The following ITGA5 variants were observed in gnomAD, a reference collection of about 807,000 sequenced individuals.
ITGA5 encodes the protein integrin subunit alpha 5, also known as integrin alpha-5.
ITGA5 carries 55 observed loss-of-function variants against 146.3 expected under a neutral mutation model. The observed-to-expected ratio is 0.38, with a 90% confidence interval of 0.30 to 0.47. The LOEUF (loss-of-function observed/expected upper bound fraction) is 0.47, where lower values mean the gene tolerates loss of function less well. ITGA5 is among the 20% of genes least tolerant of loss of function. The probability of loss-of-function intolerance (pLI) is 0.99; values close to 1 mark genes in which losing one functional copy is unlikely to be tolerated. For missense variants in ITGA5, 1,131 were observed against 1,329.0 expected, an observed-to-expected ratio of 0.85 and a Z score of 2.32; for synonymous variants, 500 against 531.8, an observed-to-expected ratio of 0.94 and a Z score of 0.82.
In ITGA5 at chr12:54,402,513, GA is replaced by G. The variant is rs201307290; in HGVS notation, c.1983-184del. 6.0e-3 allele frequency among the ~76,000 whole-genome samples: 908 copies of G among 152,134 alleles called. 12 individuals carry two copies. The highest frequency in any genetic ancestry group is 0.021 in the African/African-American group (873 of 41,464). ...AGTTCAAGACAAGCCTGGCCAAGAT[GA>G]TGAAACCCTGTCTCTACTAAAAATA... On this transcript the variant is annotated intron_variant, in intron 19 of 29. Transcript: ENST00000293379.
chr12:54,404,583 C>T, intron 13 of ITGA5, 108 bp from the exon 14 acceptor site: 11 of 1,492,006 alleles, frequency 7.4e-6, no homozygotes, highest in African/African-American at 1.4e-5. Flanking sequence ...GAGAAGACAG[C>T]GCCCTCTGTT....
Position 54,409,649 on chromosome 12 carries a change from T to G in ITGA5, c.350-52A>C. The G allele has an allele frequency of 2.8e-5, 36 of 1,268,430 alleles. No homozygotes were observed. The highest frequency in any genetic ancestry group is 3.5e-5 in the Non-Finnish European group (31 of 888,468). 78.6% of individuals were successfully genotyped at this position (1,268,430 alleles called of 1,614,324 possible). A position where few individuals can be genotyped will look rare whatever the true frequency, so the allele number is the denominator to read the frequency against. ...TACTGAGCCATGGACATTTGAGCTC[T>G]AGGGCAGCCCCTACCCTCAGCCTGG... is the stretch of plus-strand genomic sequence containing the variant. On this transcript the variant is annotated intron_variant, in intron 2 of 29. Transcript: ENST00000293379. This position sits in a 1 kb window ranked among gnomAD's most constrained non-coding sequence, Gnocchi z 4.7.
At chr12:54,398,832 T>A in intron 27 of ITGA5, 134 bp from the exon 28 acceptor site, 9 of 383,022 alleles carry the variant, frequency 2.3e-5, no homozygotes, top group East Asian at 1.2e-4. Flanking sequence ...TCTCTCTCTC[T>A]CTCTTTTTTT....
intron 9 of ITGA5, chr12:54,406,263 C>T (rs1179169537): frequency 1.2e-5 from 5 of 414,022 alleles, no homozygotes; most frequent in Non-Finnish European, 2.2e-5. Context: ...TAAAGTCATG[C>T]TTGGTGAGTA....
chr12:54,404,559 A>G, intron 13 of ITGA5, 84 bp from the exon 14 acceptor site: 2 of 1,544,182 alleles, frequency 1.3e-6, no homozygotes, highest in Non-Finnish European at 9.0e-7. Flanking sequence ...TTCAACGCTC[A>G]GGGAGGTTGA....
In ITGA5 at chr12:54,419,085, C is replaced by T. The variant is rs769149506; in HGVS notation, c.114G>A (p.Arg38=). 6.3e-7 allele frequency: 1 copy of T among 1,588,210 alleles called. No individual in the cohort carries two copies. The highest frequency in any genetic ancestry group is 1.1e-5 in the South Asian group (1 of 87,698). ...CCGCGTCTAAGTTGAAGCCCCCGACCCTGGGTGGCGGCGGCAGCAGCAGCA... is the reference window on the plus strand; with the variant it reads ...CCGCGTCTAAGTTGAAGCCCCCGACTCTGGGTGGCGGCGGCAGCAGCAGCA... ...LLLLLLPPPP[R]VGGFNLDAEA... The change falls in exon 1 of 30, where the codon AGG becomes AGA. Residue 38 remains arginine (R), a synonymous_variant. Coordinates refer to ENST00000293379, the MANE Select transcript of ITGA5 (RefSeq NM_002205.5).
chr12:54,410,739 T>TTC (rs1955933757), intron 2 of ITGA5, among the ~76,000 whole-genome samples: 1 of 151,158 alleles, frequency 6.6e-6, no homozygotes, highest in South Asian at 2.1e-4. Context: ...TTTTTTTTTT[T>TTC]TTCTTGAGAC....
chr12:54,399,835 G>T (rs1955763802), intron 26 of ITGA5, 29 bp downstream of exon 26: 1 of 1,610,718 alleles, frequency 6.2e-7, no homozygotes, highest in African/African-American at 1.3e-5. Context: ...CAACACTTTG[G>T]TCCACACCTC....
At chr12:54,398,838 T>A in intron 27 of ITGA5, 140 bp from the exon 28 acceptor site, 3 of 273,040 alleles carry the variant, frequency 1.1e-5, no homozygotes, top group Non-Finnish European at 6.8e-6. Context: ...TCTCTCTCTT[T>A]TTTTTTTTTT....
chr12:54,415,615 T>C (rs61921452), intron 1 of ITGA5, among the ~76,000 whole-genome samples: 11,978 of 152,198 alleles, frequency 0.079, 565 homozygotes, highest in Admixed American at 0.13. Context: ...TATTCCCTCC[T>C]CTCATATCTG....
At chr12:54,406,667 G>A (rs933483591) in intron 9 of ITGA5, among the ~76,000 whole-genome samples, 15 of 152,196 alleles carry the variant, frequency 9.9e-5, no homozygotes, top group African/African-American at 2.9e-4. Flanking sequence ...ATCAGCTCAT[G>A]AGTCTGCTAA....
In ITGA5 at chr12:54,400,992, T is replaced by A; in HGVS notation, c.2497A>T (p.Ile833Phe). ...GPAVHHVYEL[I>F]NQGPSSISQG... is the part of the protein sequence containing the mutation. ...CTAATGGAGCTGGGGCCTTGGTTGA[T>A]GAGCTGAGGAGGGAAGAGCACAATC... Residue 833 changes from isoleucine to phenylalanine, a missense_variant, in exon 25 of 30, where the codon ATC becomes TTC. Ile to Phe is a conservative substitution (Grantham distance 21). Transcript: ENST00000293379. 6.2e-7 allele frequency: 1 copy of A among 1,613,312 alleles called. No individual in the cohort carries two copies. The highest frequency in any genetic ancestry group is 8.5e-7 in the Non-Finnish European group (1 of 1,179,714).
At chr12:54,398,537 C>T in intron 28 of ITGA5, 60 bp downstream of exon 28, 2 of 1,251,376 alleles carry the variant, frequency 1.6e-6, no homozygotes, top group Non-Finnish European at 2.3e-6. Flanking sequence ...CAAGTCCCAG[C>T]CCTGTTCCAG....
chr12:54,406,129 C>T, intron 9 of ITGA5: 1 of 601,310 alleles, frequency 1.7e-6, no homozygotes, highest in South Asian at 2.0e-5. Flanking sequence ...TATTTTTCTC[C>T]CTATCAATCA....
intron 1 of ITGA5, among the ~76,000 whole-genome samples, chr12:54,417,038 G>C (rs1471628197): frequency 6.6e-6 from 1 of 152,112 alleles, no homozygotes; most frequent in Non-Finnish European, 1.5e-5. Context: ...ATGTTCCACT[G>C]TAAGAGGGTA....
chr12:54,411,147 C>A (rs1379602929), intron 2 of ITGA5, among the ~76,000 whole-genome samples: 1 of 152,250 alleles, frequency 6.6e-6, no homozygotes, highest in African/African-American at 2.4e-5. Flanking sequence ...CAGGCACATG[C>A]CACCGTGCCC....
chr12:54,403,546 T>C lies in ITGA5; in HGVS notation c.1776+79A>G. The C allele has an allele frequency of 1.3e-6, 2 of 1,487,798 alleles. No individual in the cohort carries two copies. The highest frequency in any genetic ancestry group is 9.1e-7 in the Non-Finnish European group (1 of 1,100,076). 92.2% of individuals were successfully genotyped at this position (1,487,798 alleles called of 1,614,324 possible). A position where few individuals can be genotyped will look rare whatever the true frequency, so the allele number is the denominator to read the frequency against. On this transcript the variant is annotated intron_variant, in intron 17 of 29. Coordinates refer to ENST00000293379, the MANE Select transcript of ITGA5 (RefSeq NM_002205.5). This position sits in a 1 kb window ranked among gnomAD's most constrained non-coding sequence, Gnocchi z 4.9. ...AGCCCTTCACTGGAGTCCCCCAGTC[T>C]TTTTCCCTTCAGGAGGTGCCCTCAG...
intron 27 of ITGA5, 100 bp from the exon 28 acceptor site, chr12:54,398,798 G>T: frequency 1.6e-6 from 1 of 632,922 alleles, no homozygotes; most frequent in Admixed American, 4.0e-5. Flanking sequence ...TCCCTATTTT[G>T]GGCTCATTCT....
chr12:54,405,381 G>C lies in ITGA5; in HGVS notation c.1017-7C>G. 1 of 1,594,444 alleles carries C rather than the reference G, an allele frequency of 6.3e-7. No homozygotes were observed. Among genetic ancestry groups the C allele is most frequent in the Non-Finnish European group, 8.6e-7 (1 of 1,168,964 alleles). On this transcript the variant is annotated splice_polypyrimidine_tract_variant and splice_region_variant and intron_variant, in intron 11 of 29. Coordinates refer to ENST00000293379, the MANE Select transcript of ITGA5 (RefSeq NM_002205.5). ...CACCAGCAAGTCATCCAGCCTGAGG[G>C]GAAGGGCAAACCCAGGCATCTCGAT...
Sources: gnomAD v4.1 joint callset for allele counts (sites outside exome capture counted in the v4.1 genomes callset) on GRCh38, gnomAD v4.1.1 for gene constraint, Gnocchi (gnomAD v3.1) non-coding constraint, MANE v1.5 for transcripts, NCBI Gene and HGNC (gene_info 2026-07-23, HGNC 2026-07-21) for gene names.